Variants in HACD2 observed in about 807,000 individuals in gnomAD.
HACD2 encodes the protein 3-hydroxyacyl-CoA dehydratase 2.
Under a neutral mutation model 31.0 loss-of-function variants are expected in HACD2, and 15 were observed. The observed-to-expected ratio is 0.48, with a 90% CI of 0.32 to 0.75. The LOEUF is 0.75. Among genes scored for constraint, HACD2 ranks in the 30% least tolerant of loss-of-function variants. The pLI is 0.03. For synonymous variants in HACD2, 115 were observed against 122.2 expected, an observed-to-expected ratio of 0.94 and a Z score of 0.39; for missense variants, 283 against 313.0, an observed-to-expected ratio of 0.90 and a Z score of 0.72.
At chr3:123,508,331 G>A (rs891887102) in intron 4 of HACD2, among the ~76,000 whole-genome samples, 9 of 152,210 alleles carry the variant, frequency 5.9e-5, no homozygotes, top group South Asian at 2.1e-4. Context: ...GCTCTAAAGC[G>A]AGGGAGGAGG....
At chr3:123,510,324 T>G (rs1225982148) in intron 4 of HACD2, among the ~76,000 whole-genome samples, 1 of 152,230 alleles carries the variant, frequency 6.6e-6, no homozygotes, top group Non-Finnish European at 1.5e-5. Context: ...CTCGGCTCAC[T>G]GAAACCTCCA....
chr3:123,514,912 A>C (rs2056114172), intron 4 of HACD2, among the ~76,000 whole-genome samples: 1 of 152,228 alleles, frequency 6.6e-6, no homozygotes, highest in Non-Finnish European at 1.5e-5. Flanking sequence ...TGTATAAAGA[A>C]CATATTCAGT....
chr3:123,573,077 C>T (rs1024196458), intron 2 of HACD2, among the ~76,000 whole-genome samples: 4 of 152,120 alleles, frequency 2.6e-5, no homozygotes, highest in South Asian at 2.1e-4. Flanking sequence ...GACATGTCCA[C>T]GACACTTGTT....
intron 3 of HACD2, among the ~76,000 whole-genome samples, chr3:123,532,033 T>C (rs957868423): frequency 2.6e-5 from 4 of 152,214 alleles, no homozygotes; most frequent in African/African-American, 4.8e-5. Context: ...TTGAAATGTA[T>C]TGCCAAACTG....
At chr3:123,563,041 A>T (rs2056751601) in intron 3 of HACD2, among the ~76,000 whole-genome samples, 1 of 152,228 alleles carries the variant, frequency 6.6e-6, no homozygotes, top group African/African-American at 2.4e-5. Context: ...ATTTGGTAAG[A>T]TGATGATCAA....
intron 4 of HACD2, among the ~76,000 whole-genome samples, chr3:123,511,378 C>T (rs1559903158): frequency 6.6e-6 from 1 of 152,124 alleles, no homozygotes; most frequent in Non-Finnish European, 1.5e-5. Flanking sequence ...TACACACACA[C>T]ATTATGGGGT....
rs116368159 is a variant in HACD2, at chr3:123,580,620, T to C, written c.273+1592A>G. Among the ~76,000 whole-genome samples the C allele has an allele frequency of 8.1e-3, 1,235 of 151,706 alleles. 17 individuals carry two copies. The highest frequency in any genetic ancestry group is 0.028 in the African/African-American group (1,153 of 41,336). On this transcript the variant is annotated intron_variant, in intron 2 of 6. Transcript: ENST00000383657. ...GCAACACAGGGAGACCCTGTCTCTA[T>C]GAAGTTTTAAAAATTATCCATGTAT... is the stretch of plus-strand genomic sequence containing the variant.
intron 3 of HACD2, among the ~76,000 whole-genome samples, chr3:123,551,663 T>C (rs1237364503): frequency 6.6e-6 from 1 of 151,812 alleles, no homozygotes; most frequent in African/African-American, 2.4e-5. Flanking sequence ...TAAATACTTG[T>C]GGGTTTTCTG....
At chr3:123,533,937 G>A (rs1357570091) in intron 3 of HACD2, among the ~76,000 whole-genome samples, 5 of 152,208 alleles carry the variant, frequency 3.3e-5, no homozygotes, top group Non-Finnish European at 7.3e-5. Flanking sequence ...GCAAGGCAAG[G>A]TTATAACTTG....
intron 5 of HACD2, among the ~76,000 whole-genome samples, chr3:123,500,979 T>A (rs1254709077): frequency 1.3e-5 from 2 of 152,128 alleles, no homozygotes; most frequent in East Asian, 1.9e-4. Flanking sequence ...CTAAAATAAC[T>A]AAAGTGATGC....
chr3:123,520,899 C>T (rs534233915), intron 4 of HACD2, among the ~76,000 whole-genome samples: 4 of 152,252 alleles, frequency 2.6e-5, no homozygotes, highest in Admixed American at 1.3e-4. Flanking sequence ...ATCTCGTGTG[C>T]TTATTTGGAG....
intron 1 of HACD2, 142 bp downstream of exon 1, chr3:123,584,731 C>CCCAGGTA: frequency 1.7e-6 from 1 of 599,042 alleles, no homozygotes; most frequent in Admixed American, 4.4e-5. Flanking sequence ...GCCCTCAGCG[C>CCCAGGTA]CCAGGTACCG....
chr3:123,582,331 T>C lies in HACD2; in HGVS notation c.156-2A>G. The C allele has an allele frequency of 1.3e-6, 2 of 1,564,628 alleles. No homozygotes were observed. Among genetic ancestry groups the C allele is most frequent in the Non-Finnish European group, 1.7e-6 (2 of 1,157,450 alleles). On this transcript the variant is annotated splice_acceptor_variant, in intron 1 of 6. Coordinates refer to ENST00000383657, the MANE Select transcript of HACD2 (RefSeq NM_198402.5). LOFTEE classifies it high-confidence loss of function. ...AGACCAACCGCTATAACCAGCCACCTAGTAAAAGAGAAAACAGCAATCAGG... is the reference window on the plus strand; with the variant it reads ...AGACCAACCGCTATAACCAGCCACCCAGTAAAAGAGAAAACAGCAATCAGG...
At chr3:123,563,640 TATATACACACAC>T (rs201519415) in intron 3 of HACD2, among the ~76,000 whole-genome samples, 18,029 of 91,184 alleles carry the variant, frequency 0.2, 1,556 homozygotes, top group African/African-American at 0.35. Context: ...CAAAAAAATA[TATATACACACAC>T]ACACACACAC....
rs560813015 is a variant in HACD2 at position 123,544,284 on chromosome 3, G to A, written c.293-15810C>T. Among the ~76,000 whole-genome samples the A allele has an allele frequency of 9.2e-5, 14 of 152,302 alleles. No individual in the cohort carries two copies. In the South Asian group the frequency reaches 2.9e-3, roughly 32 times the overall value. Reference sequence around the variant, plus strand: ...GAAGAGAAGAGAAAGAGCAATTATAGCCCGCACCTAACAATTCCTCAGCTA... The same window carrying A: ...GAAGAGAAGAGAAAGAGCAATTATAACCCGCACCTAACAATTCCTCAGCTA... On this transcript the variant is annotated intron_variant, in intron 3 of 6. Coordinates refer to ENST00000383657, the MANE Select transcript of HACD2 (RefSeq NM_198402.5).
intron 4 of HACD2, among the ~76,000 whole-genome samples, chr3:123,511,452 C>T (rs938280966): frequency 6.6e-6 from 1 of 152,072 alleles, no homozygotes; most frequent in Non-Finnish European, 1.5e-5. Context: ...GCCTAGAGAA[C>T]AGATAAGGTA....
At chr3:123,530,625 T>C (rs374508945) in intron 3 of HACD2, among the ~76,000 whole-genome samples, 23 of 152,272 alleles carry the variant, frequency 1.5e-4, no homozygotes, top group African/African-American at 4.8e-4. Flanking sequence ...GCCAGGATGG[T>C]CTCGATCTCC....
intron 4 of HACD2, among the ~76,000 whole-genome samples, chr3:123,503,499 T>A (rs2055932936): frequency 6.6e-6 from 1 of 152,090 alleles, no homozygotes; most frequent in South Asian, 2.1e-4. Context: ...CCTCTGAAGT[T>A]GTTTTTATGC....
chr3:123,536,396 T>G (rs2056426578), intron 3 of HACD2, among the ~76,000 whole-genome samples: 1 of 152,046 alleles, frequency 6.6e-6, no homozygotes, highest in Non-Finnish European at 1.5e-5. Context: ...TTCAACAAGA[T>G]GAAGAGACAT....
Sources: allele counts gnomAD v4.1 joint callset (sites outside exome capture counted in the v4.1 genomes callset), GRCh38; gene constraint gnomAD v4.1.1; transcripts MANE v1.5; gene names NCBI Gene and HGNC (gene_info 2026-07-23, HGNC 2026-07-21).